The following C2CD3 variants were observed in gnomAD, a reference collection of about 807,000 sequenced individuals.
The protein encoded by C2CD3 is C2 domain containing 3 centriole elongation regulator.
In C2CD3, 148 loss-of-function variants were observed where a neutral mutation model predicts 234.0. The ratio of observed to expected loss-of-function variants is 0.63; its 90% confidence interval spans 0.55 to 0.72. The LOEUF is 0.72. Among genes scored for constraint, C2CD3 ranks in the 30% least tolerant of loss-of-function variants. C2CD3 has a pLI of 0.00. For missense variants in C2CD3, 2,577 were observed against 2,811.5 expected, an observed-to-expected ratio of 0.92 and a Z score of 1.89; for synonymous variants, 1,000 against 1,035.4, an observed-to-expected ratio of 0.97 and a Z score of 0.66.
intron 23 of C2CD3, among the ~76,000 whole-genome samples, chr11:74,075,368 G>C (rs1006508560): frequency 2.0e-3 from 1 of 496 alleles, no homozygotes; most frequent in Non-Finnish European, 4.9e-3. Flanking sequence ...CGATATTTTG[G>C]GGGGGGGTGG....
At chr11:74,040,925 C>T (rs1006278961) in intron 29 of C2CD3, among the ~76,000 whole-genome samples, 122 of 150,782 alleles carry the variant, frequency 8.1e-4, no homozygotes, top group Middle Eastern at 3.4e-3. Context: ...CACACACACA[C>T]GCACACACAC....
In C2CD3 at chr11:74,034,167, T is replaced by G. The variant is rs1317117938; in HGVS notation, c.5993A>C (p.Gln1998Pro). ...CTCATCTGGCATTGTGCATCGTTCTTGCAGTGCTTCTGTGTCCTGAGCATC... is the reference window on the plus strand; with the variant it reads ...CTCATCTGGCATTGTGCATCGTTCTGGCAGTGCTTCTGTGTCCTGAGCATC... ...LPDAQDTEAL[Q>P]ERCTMPDEPL... The change falls in exon 31 of 33, where the codon CAA becomes CCA. Residue 1998 changes from glutamine (Q) to proline (P), a missense_variant. Physicochemically the swap from Gln to Pro is moderately conservative, Grantham distance 76. Coordinates refer to ENST00000334126, the MANE Select transcript of C2CD3 (RefSeq NM_001286577.2). The G allele has an allele frequency of 1.3e-6, 2 of 1,536,230 alleles. No homozygotes were observed. Among genetic ancestry groups the G allele is most frequent in the Non-Finnish European group, 1.7e-6 (2 of 1,146,904 alleles).
intron 3 of C2CD3, among the ~76,000 whole-genome samples, chr11:74,150,492 C>CAAAAAAAAAAAAAAAAAAAA: frequency 6.2e-5 from 1 of 16,236 alleles, no homozygotes; most frequent in South Asian, 4.1e-3. Context: ...GACCCTGTCT[C>CAAAAAAAAAAAAAAAAAAAA]AAAAAAAAAA....
intron 5 of C2CD3, 88 bp downstream of exon 5, chr11:74,138,632 G>A: frequency 1.9e-6 from 2 of 1,046,792 alleles, no homozygotes; most frequent in Non-Finnish European, 2.9e-6. Context: ...TCAAACAAGA[G>A]TCTTGGTTCT....
rs551578192 is a variant in C2CD3 at position 74,030,999 on chromosome 11, A to G, written c.6809+2352T>C. On this transcript the variant is annotated intron_variant, in intron 31 of 32. Transcript: ENST00000334126. ...CTATACTTCAGGTCAGACTTTCTTCATCTCTTGTTATTATTGCAAGTGTCC... is the reference window on the plus strand; with the variant it reads ...CTATACTTCAGGTCAGACTTTCTTCGTCTCTTGTTATTATTGCAAGTGTCC... Among the ~76,000 whole-genome samples the G allele has an allele frequency of 2.0e-4, 31 of 152,200 alleles. No individual in the cohort carries two copies. In the South Asian group the frequency reaches 6.2e-3, roughly 31 times the overall value.
In C2CD3 at chr11:74,118,250, T is replaced by C; in HGVS notation, c.1498A>G (p.Arg500Gly). ...LESSDHKLKK[R>G]SAGKRNRNLV... Reference sequence around the variant, plus strand: ...CACCTATTTCTCTTGCCTGCTGACCTCTTCTTCAGCTTATGATCACTTGAC... The same window carrying C: ...CACCTATTTCTCTTGCCTGCTGACCCCTTCTTCAGCTTATGATCACTTGAC... The change falls in exon 9 of 33, where the codon AGG becomes GGG. Residue 500 changes from arginine (R) to glycine (G), a missense_variant. Transcript: ENST00000334126. 6.2e-7 allele frequency: 1 copy of C among 1,613,658 alleles called. No individual in the cohort carries two copies. Among genetic ancestry groups the C allele is most frequent in the Non-Finnish European group, 8.5e-7 (1 of 1,179,724 alleles).
intron 24 of C2CD3, among the ~76,000 whole-genome samples, chr11:74,061,550 G>T (rs1015632620): frequency 6.6e-6 from 1 of 151,664 alleles, no homozygotes; most frequent in Non-Finnish European, 1.5e-5. Context: ...AAAGTGAAAT[G>T]AAGTCCTGTA....
Position 74,123,046 on chromosome 11 carries a change from T to C in C2CD3, c.1307A>G (p.Glu436Gly). The change falls in exon 8 of 33, where the codon GAG becomes GGG. Residue 436 changes from glutamate to glycine, a missense_variant. Glu to Gly is a moderately conservative substitution (Grantham distance 98). Transcript: ENST00000334126. ...CTGGTCATACTGAGGGTCATTCAGC[T>C]CACTGATGCAATACACATCACTCCC... Reference protein sequence around the residue: ...SPGSDVYCISELNDPQYDQSL... With the variant: ...SPGSDVYCISGLNDPQYDQSL... 6.2e-7 allele frequency: 1 copy of C among 1,612,982 alleles called. No homozygotes were observed. Among genetic ancestry groups the C allele is most frequent in the Non-Finnish European group, 8.5e-7 (1 of 1,178,948 alleles).
intron 22 of C2CD3, among the ~76,000 whole-genome samples, chr11:74,079,686 C>G (rs554419911): frequency 1.3e-5 from 2 of 151,730 alleles, no homozygotes; most frequent in South Asian, 4.2e-4. Context: ...AGCTCAGATA[C>G]CTGTCCAACT....
At chr11:74,040,661 C>G (rs1029985659) in intron 29 of C2CD3, among the ~76,000 whole-genome samples, 1 of 151,936 alleles carries the variant, frequency 6.6e-6, no homozygotes, top group Non-Finnish European at 1.5e-5. Flanking sequence ...GAGTTTGAGG[C>G]AGAAGAATCG....
intron 24 of C2CD3, among the ~76,000 whole-genome samples, chr11:74,059,956 C>T (rs1274047877): frequency 6.6e-6 from 1 of 152,190 alleles, no homozygotes; most frequent in Non-Finnish European, 1.5e-5. Flanking sequence ...GCAAACGGCA[C>T]ACCAGGAGAC....
chr11:74,113,237 A>C (rs1956803672), intron 11 of C2CD3: 1 of 155,102 alleles, frequency 6.4e-6, no homozygotes. Context: ...AGACATCCAG[A>C]ATGGACAAAT....
rs553066981 is a variant in C2CD3, at chr11:74,084,707, T to TA, written c.4000+173dup. Among the ~76,000 whole-genome samples, 550 of 143,410 alleles carry TA rather than the reference T, an allele frequency of 3.8e-3. 4 individuals are homozygous for TA. Among genetic ancestry groups the TA allele is most frequent in the Middle Eastern group, 0.033 (9 of 274 alleles). 94.1% of individuals were successfully genotyped at this position (143,410 alleles called of 152,430 possible). A position where few individuals can be genotyped will look rare whatever the true frequency, so the allele number is the denominator to read the frequency against. On this transcript the variant is annotated intron_variant, in intron 22 of 32. Coordinates refer to ENST00000334126, the MANE Select transcript of C2CD3 (RefSeq NM_001286577.2). ...ATAAAATTAATTAAGATCTTTAAACTAAAAAAAAAAAAGTTTCAAAAAACA... is the reference window on the plus strand; with the variant it reads ...ATAAAATTAATTAAGATCTTTAAACTAAAAAAAAAAAAAGTTTCAAAAAACA...
chr11:74,013,537 G>A lies in C2CD3; in HGVS notation c.6922-12C>T, dbSNP rs1254702928. On this transcript the variant is annotated splice_polypyrimidine_tract_variant and intron_variant, in intron 32 of 32. Coordinates refer to ENST00000334126, the MANE Select transcript of C2CD3 (RefSeq NM_001286577.2). The stretch of plus-strand genomic sequence containing the variant: ...GCTTCGCTCTTGTCCTGGAGAGGAA[G>A]AAGTCAGCTAGGTTACCACTGAGGA... 5.3e-6 allele frequency: 7 copies of A among 1,327,580 alleles called. No homozygotes were observed. Among genetic ancestry groups the A allele is most frequent in the African/African-American group, 3.0e-5 (2 of 65,750 alleles). The allele number at this position is 1,327,580 out of a possible 1,614,324, so 82.2% of individuals were successfully genotyped here.
chr11:74,028,411 T>C lies in C2CD3; in HGVS notation c.6810-13A>G. ...AATGGGCCCTGGGCTACAATGGTAGTTAAGGGACAAAAATACCTAGAAGTC... is the reference window on the plus strand; with the variant it reads ...AATGGGCCCTGGGCTACAATGGTAGCTAAGGGACAAAAATACCTAGAAGTC... On this transcript the variant is annotated splice_polypyrimidine_tract_variant and intron_variant, in intron 31 of 32. Coordinates refer to ENST00000334126, the MANE Select transcript of C2CD3 (RefSeq NM_001286577.2). 1 of 1,516,400 alleles carries C rather than the reference T, an allele frequency of 6.6e-7. No homozygotes were observed. The highest frequency in any genetic ancestry group is 8.8e-7 in the Non-Finnish European group (1 of 1,131,004). The allele number at this position is 1,516,400 out of a possible 1,614,324, so 93.9% of individuals were successfully genotyped here.
At chr11:74,093,551 C>A (rs958248536) in intron 18 of C2CD3, among the ~76,000 whole-genome samples, 4 of 151,714 alleles carry the variant, frequency 2.6e-5, no homozygotes, top group African/African-American at 9.7e-5. Flanking sequence ...ATGTTTAATA[C>A]ATAATAGGAG....
intron 7 of C2CD3, among the ~76,000 whole-genome samples, chr11:74,130,252 G>T (rs1590892780): frequency 1.3e-5 from 2 of 149,388 alleles, no homozygotes; most frequent in South Asian, 4.2e-4. Flanking sequence ...TTAGAAACAG[G>T]TCTCGCTTTG....
intron 12 of C2CD3, among the ~76,000 whole-genome samples, chr11:74,107,351 C>T (rs770388262): frequency 6.7e-6 from 1 of 148,706 alleles, no homozygotes; most frequent in Non-Finnish European, 1.5e-5. Flanking sequence ...CACACACACA[C>T]AGAAATAAGA....
At chr11:74,145,726 G>C (rs898393134) in intron 3 of C2CD3, among the ~76,000 whole-genome samples, 1 of 152,044 alleles carries the variant, frequency 6.6e-6, no homozygotes, top group Non-Finnish European at 1.5e-5. Flanking sequence ...TTTTGTATAT[G>C]GTGTAAGTAA....
Sources: gnomAD v4.1 joint callset for allele counts (sites outside exome capture counted in the v4.1 genomes callset) on GRCh38, gnomAD v4.1.1 for gene constraint, MANE v1.5 for transcripts, NCBI Gene and HGNC (gene_info 2026-07-23, HGNC 2026-07-21) for gene names.